URB2: variants seen among roughly 807,000 people sequenced by gnomAD.
The protein encoded by URB2 is URB2 ribosome biogenesis homolog.
A neutral mutation model predicts 120.9 loss-of-function variants in URB2; 86 were observed. The ratio of observed to expected loss-of-function variants is 0.71; its 90% confidence interval spans 0.60 to 0.85. The LOEUF is 0.85. URB2 is among the 40% of genes least tolerant of loss of function. URB2 has a pLI of 0.00. For missense variants in URB2, 1,765 were observed against 1,836.5 expected, an observed-to-expected ratio of 0.96 and a Z score of 0.71; for synonymous variants, 755 against 758.4, an observed-to-expected ratio of 1.00 and a Z score of 0.07.
chr1:229,627,735 G>T lies in URB2; in HGVS notation c.102G>T (p.Gln34His). The change falls in exon 2 of 10, where the codon CAG (glutamine) becomes CAT (histidine). Residue 34 changes from glutamine to histidine, a missense_variant. By Grantham distance (24) the Gln-to-His change is conservative. Coordinates refer to ENST00000258243, the MANE Select transcript of URB2 (RefSeq NM_014777.4). ...KLAHFAWISH[Q>H]CFLPNKEQVL... ...CTCACTTTGCTTGGATTTCTCACCA[G>T]TGCTTTCTTCCAAATAAAGAACAAG... The T allele has an allele frequency of 6.2e-7, 1 of 1,610,836 alleles. No individual in the cohort carries two copies. Among genetic ancestry groups the T allele is most frequent in the Non-Finnish European group, 8.5e-7 (1 of 1,178,412 alleles).
intron 2 of URB2, among the ~76,000 whole-genome samples, chr1:229,629,611 G>T (rs1005040060): frequency 6.6e-6 from 1 of 152,180 alleles, no homozygotes; most frequent in Admixed American, 6.5e-5. Context: ...AATGCTAGTG[G>T]TTATTGGTTA....
At chr1:229,656,988 G>C (rs894773657) in intron 9 of URB2, among the ~76,000 whole-genome samples, 1 of 152,182 alleles carries the variant, frequency 6.6e-6, no homozygotes, top group Non-Finnish European at 1.5e-5. Flanking sequence ...TGAAAAAATC[G>C]TAAGTTGAAC....
At position 229,637,603 on chromosome 1, in the gene URB2, TC is replaced by T. The variant is rs752041375; in HGVS notation, c.2992del (p.Leu998SerfsTer3). Reference protein sequence around the residue: ...IEMDDPAWLEFLQVIGTFLEE... With the variant: ...IEMDDPAWLEXLQVIGTFLEE... Reference sequence around the variant, plus strand: ...ATGGATGATCCCGCTTGGCTGGAATTCCTCCAAGTGATAGGGACGTTCTTAG... The same window carrying T: ...ATGGATGATCCCGCTTGGCTGGAATTCTCCAAGTGATAGGGACGTTCTTAG... On this transcript the variant is annotated frameshift_variant, in exon 4 of 10. Coordinates refer to ENST00000258243, the MANE Select transcript of URB2 (RefSeq NM_014777.4). LOFTEE classifies it high-confidence loss of function. 4.3e-6 allele frequency: 7 copies of T among 1,614,188 alleles called. No individual in the cohort carries two copies. The highest frequency in any genetic ancestry group is 3.3e-5 in the South Asian group (3 of 91,088).
chr1:229,652,170 A>G (rs1174872891), intron 8 of URB2, among the ~76,000 whole-genome samples: 1 of 150,910 alleles, frequency 6.6e-6, no homozygotes, highest in Non-Finnish European at 1.5e-5. Flanking sequence ...CGATAGAGCA[A>G]GACTCTGTCT....
intron 2 of URB2, among the ~76,000 whole-genome samples, chr1:229,628,815 C>T (rs999247395): frequency 1.3e-5 from 2 of 152,218 alleles, no homozygotes; most frequent in African/African-American, 4.8e-5. Flanking sequence ...TAATACACAT[C>T]CAGTTGCTGT....
Position 229,650,447 on chromosome 1 carries a change from T to G in URB2, c.4150-788T>G, listed in dbSNP as rs191003777. On this transcript the variant is annotated intron_variant, in intron 7 of 9. Transcript: ENST00000258243. Reference sequence around the variant, plus strand: ...ATCAAAATCTCATTTTCTTTTTTTTTTGAGATGGAGTCTCGCTCTGTCACT... The same window carrying G: ...ATCAAAATCTCATTTTCTTTTTTTTGTGAGATGGAGTCTCGCTCTGTCACT... 2.0e-3 allele frequency among the ~76,000 whole-genome samples: 308 copies of G among 152,310 alleles called. 3 individuals are homozygous for G. The highest frequency in any genetic ancestry group is 2.5e-3 in the Non-Finnish European group (168 of 68,030).
intron 2 of URB2, among the ~76,000 whole-genome samples, chr1:229,628,117 A>G (rs1436386425): frequency 1.4e-5 from 2 of 140,778 alleles, no homozygotes; most frequent in East Asian, 2.0e-4. Context: ...ATGTATATAT[A>G]TGTATATATA....
chr1:229,636,748 G>T lies in URB2; in HGVS notation c.2135G>T (p.Arg712Ile). The change falls in exon 4 of 10, where the codon AGA becomes ATA. Residue 712 changes from arginine (R) to isoleucine (I), a missense_variant. By Grantham distance (97) the Arg-to-Ile change is moderately conservative. Coordinates refer to ENST00000258243, the MANE Select transcript of URB2 (RefSeq NM_014777.4). Reference protein sequence around the residue: ...CDAAFIIGSGRKSLNQRTTAS... With the variant: ...CDAAFIIGSGIKSLNQRTTAS... ...GCTGCCTTTATTATTGGTTCCGGCA[G>T]AAAAAGCTTGAATCAGAGAACGACG... 6.2e-7 allele frequency: 1 copy of T among 1,612,232 alleles called. No individual in the cohort carries two copies. The highest frequency in any genetic ancestry group is 1.1e-5 in the South Asian group (1 of 90,912).
chr1:229,629,401 C>T (rs556257226), intron 2 of URB2, among the ~76,000 whole-genome samples: 2 of 152,142 alleles, frequency 1.3e-5, no homozygotes, highest in African/African-American at 4.8e-5. Context: ...ACTTTTAGAA[C>T]TTGGTACATG....
In URB2 at chr1:229,638,253, A is replaced by AG; in HGVS notation, c.3634+6_3634+7insG. The stretch of plus-strand genomic sequence containing the variant: ...TGTGAGAAGAGTTCTTGCAGGTAAG[A>AG]TATTTTCTCTTGAGCTAATTCTGTG... On this transcript the variant is annotated splice_region_variant and intron_variant, in intron 4 of 9. Coordinates refer to ENST00000258243, the MANE Select transcript of URB2 (RefSeq NM_014777.4). The AG allele has an allele frequency of 6.3e-7, 1 of 1,582,832 alleles. No individual in the cohort carries two copies. Among genetic ancestry groups the AG allele is most frequent in the Non-Finnish European group, 8.6e-7 (1 of 1,165,830 alleles).
intron 8 of URB2, among the ~76,000 whole-genome samples, chr1:229,652,699 C>T (rs571848056): frequency 6.6e-5 from 10 of 152,360 alleles, no homozygotes; most frequent in African/African-American, 2.4e-4. Flanking sequence ...GTCAAAGCCT[C>T]TCCCATCATG....
chr1:229,638,357 CAT>C, intron 4 of URB2, 110 bp downstream of exon 4: 1 of 1,300,854 alleles, frequency 7.7e-7, no homozygotes, highest in Non-Finnish European at 1.0e-6. Flanking sequence ...AAAGGTACCA[CAT>C]GTGCGGCTGG....
rs1665856619 is a variant in URB2, at chr1:229,637,049, A to G, written c.2436A>G (p.Leu812=). 1 of 1,613,914 alleles carries G rather than the reference A, an allele frequency of 6.2e-7. No homozygotes were observed. The highest frequency in any genetic ancestry group is 1.7e-5 in the Admixed American group (1 of 60,006). Residue 812 remains leucine (L), a synonymous_variant, in exon 4 of 10, where the codon TTA becomes TTG. Transcript: ENST00000258243. ...PEMQSLHSAF[L]TCVTTSCSSI... is the part of the protein sequence containing the mutation. ...TGCAGTCCCTTCATTCTGCTTTCTT[A>G]ACGTGCGTAACCACAAGTTGCTCCA... is the stretch of plus-strand genomic sequence containing the variant.
At chr1:229,653,936 GTTTTTTTTTTTTT>G (rs760894683) in intron 8 of URB2, among the ~76,000 whole-genome samples, 1 of 60,554 alleles carries the variant, frequency 1.7e-5, no homozygotes, top group Admixed American at 1.9e-4. Flanking sequence ...CCATCTTGGT[GTTTTTTTTTTTTT>G]TTTTTTTTTT....
chr1:229,635,592 G>A lies in URB2; in HGVS notation c.979G>A (p.Val327Ile), dbSNP rs1284597606. The change falls in exon 4 of 10, where the codon GTT becomes ATT. Residue 327 changes from valine (V) to isoleucine (I), a missense_variant. Coordinates refer to ENST00000258243, the MANE Select transcript of URB2 (RefSeq NM_014777.4). ...KEGNQLLCFQ[V>I]LPRLFGCLKI... ...GGGAAACCAGCTTCTCTGCTTCCAG[G>A]TTCTCCCCAGGTTGTTTGGCTGCTT... 4 of 1,613,920 alleles carry A rather than the reference G, an allele frequency of 2.5e-6. No homozygotes were observed. In the African/African-American group the frequency reaches 5.3e-5, roughly 22 times the overall value.
rs1340624356 is a variant in URB2, at chr1:229,635,109, G to A, written c.496G>A (p.Val166Ile). The change falls in exon 4 of 10, where the codon GTA becomes ATA. Residue 166 changes from valine to isoleucine, a missense_variant. Physicochemically the swap from Val to Ile is conservative, Grantham distance 29. Transcript: ENST00000258243. ...SACRQPEGAV[V>I]AQLFEVIHLA... ...CTGCAGGCAGCCCGAAGGAGCTGTG[G>A]TAGCCCAGTTGTTTGAGGTCATTCA... 1 of 1,614,124 alleles carries A rather than the reference G, an allele frequency of 6.2e-7. No homozygotes were observed. The highest frequency in any genetic ancestry group is 1.1e-5 in the South Asian group (1 of 91,086).
At position 229,636,746 on chromosome 1, in the gene URB2, C is replaced by A; in HGVS notation, c.2133C>A (p.Gly711=). 6.2e-7 allele frequency: 1 copy of A among 1,612,114 alleles called. No individual in the cohort carries two copies. Among genetic ancestry groups the A allele is most frequent in the Non-Finnish European group, 8.5e-7 (1 of 1,178,852 alleles). Residue 711 remains glycine (G), a synonymous_variant, in exon 4 of 10, where the codon GGC becomes GGA. Coordinates refer to ENST00000258243, the MANE Select transcript of URB2 (RefSeq NM_014777.4). The part of the protein sequence containing the change: ...RCDAAFIIGS[G]RKSLNQRTTA... Reference sequence around the variant, plus strand: ...ATGCTGCCTTTATTATTGGTTCCGGCAGAAAAAGCTTGAATCAGAGAACGA... The same window carrying A: ...ATGCTGCCTTTATTATTGGTTCCGGAAGAAAAAGCTTGAATCAGAGAACGA...
chr1:229,657,290 T>C (rs1192391250), intron 9 of URB2, among the ~76,000 whole-genome samples: 4 of 152,212 alleles, frequency 2.6e-5, no homozygotes, highest in Non-Finnish European at 5.9e-5. Context: ...TTTAAAGTGG[T>C]TGTGTTGTCT....
Position 229,635,555 on chromosome 1 carries a change from T to TTAC in URB2, c.944_946dup (p.Tyr315dup). Reference sequence around the variant, plus strand: ...TGCTGTATAAGCTCTTTCTAGATTCTTACTTTAAGGAGGGAAACCAGCTTC... The same window carrying TTAC: ...TGCTGTATAAGCTCTTTCTAGATTCTTACTACTTTAAGGAGGGAAACCAGCTTC... On this transcript the variant is annotated inframe_insertion, in exon 4 of 10. Transcript: ENST00000258243. 6.2e-7 allele frequency: 1 copy of TTAC among 1,614,112 alleles called. No individual in the cohort carries two copies.
Sources: gnomAD v4.1 joint callset for allele counts (sites outside exome capture counted in the v4.1 genomes callset) on GRCh38, gnomAD v4.1.1 for gene constraint, MANE v1.5 for transcripts, NCBI Gene and HGNC (gene_info 2026-07-23, HGNC 2026-07-21) for gene names.